The following ZNF148 variants were observed in gnomAD, a reference collection of about 807,000 sequenced individuals.
The protein encoded by ZNF148 is Beta-Enolase Repressor Factor-1.
ZNF148 carries 7 observed loss-of-function variants against 67.7 expected under a neutral mutation model. The ratio of observed to expected loss-of-function variants is 0.10; its 90% CI spans 0.06 to 0.19. The LOEUF (loss-of-function observed/expected upper bound fraction) is 0.19. Among genes scored for constraint, ZNF148 ranks in the 10% least tolerant of loss-of-function variants. The pLI, the probability that ZNF148 is intolerant of heterozygous loss-of-function variation, is 1.00. For synonymous variants in ZNF148, 333 were observed against 330.7 expected, an observed-to-expected ratio of 1.01 and a Z score of -0.08; for missense variants, 583 against 947.1, an observed-to-expected ratio of 0.62 and a Z score of 5.05.
chr3:125,270,281 AG>A (rs1937662578), intron 7 of ZNF148, among the ~76,000 whole-genome samples: 1 of 151,794 alleles, frequency 6.6e-6, no homozygotes, highest in Non-Finnish European at 1.5e-5. Context: ...CCAAAATCGG[AG>A]GATCACTTGA....
intron 7 of ZNF148, among the ~76,000 whole-genome samples, chr3:125,252,265 A>C (rs6438886): frequency 3.9e-5 from 6 of 152,066 alleles, no homozygotes; most frequent in African/African-American, 1.4e-4. Flanking sequence ...TTTTCCATTA[A>C]GATTAGTACT....
At chr3:125,291,930 A>T (rs1939037367) in intron 4 of ZNF148, among the ~76,000 whole-genome samples, 2 of 152,200 alleles carry the variant, frequency 1.3e-5, no homozygotes, top group Non-Finnish European at 2.9e-5. Context: ...TAAAAGTATA[A>T]CTAGTTTAAA....
chr3:125,309,595 T>TA (rs57056007), intron 4 of ZNF148, among the ~76,000 whole-genome samples: 5 of 150,662 alleles, frequency 3.3e-5, no homozygotes, highest in South Asian at 2.1e-4. Context: ...GAACTACAGT[T>TA]AAAAAAAAAA....
intron 4 of ZNF148, among the ~76,000 whole-genome samples, chr3:125,306,483 A>G (rs948377212): frequency 2.6e-5 from 4 of 152,196 alleles, no homozygotes; most frequent in African/African-American, 9.6e-5. Flanking sequence ...AACAAAAGAA[A>G]ATATTAATAG....
chr3:125,257,645 T>C (rs866586886), intron 7 of ZNF148, among the ~76,000 whole-genome samples: 24 of 152,064 alleles, frequency 1.6e-4, no homozygotes, highest in South Asian at 4.2e-4. Context: ...AGGTTATTTG[T>C]GGCAAATCCA....
In ZNF148 at chr3:125,228,047, C is replaced by T. The variant is rs1935708089; in HGVS notation, c.*4294G>A. On this transcript the variant is annotated 3_prime_UTR_variant, in exon 9 of 9. Coordinates refer to ENST00000360647, the MANE Select transcript of ZNF148 (RefSeq NM_021964.3). ...GCTTGAAAAATAAGTATCTAAAAAT[C>T]AATGTAGAAAGTTTAGAATTATTGA... 6.6e-6 allele frequency: 1 copy of T among 152,492 alleles called. No homozygotes were observed. The highest frequency in any genetic ancestry group is 2.4e-5 in the African/African-American group (1 of 41,388). The allele number at this position is 152,492 out of a possible 1,614,324, so 9.4% of individuals were successfully genotyped here.
At chr3:125,307,647 C>G (rs924150825) in intron 4 of ZNF148, among the ~76,000 whole-genome samples, 15 of 151,748 alleles carry the variant, frequency 9.9e-5, no homozygotes, top group African/African-American at 3.6e-4. Context: ...GAAAAACCTA[C>G]ACCTAATTCT....
chr3:125,326,023 A>T (rs1941001794), intron 2 of ZNF148, among the ~76,000 whole-genome samples: 1 of 152,236 alleles, frequency 6.6e-6, no homozygotes, highest in Non-Finnish European at 1.5e-5. Flanking sequence ...CAAAAAGCTG[A>T]AAGATACAGC....
chr3:125,347,234 T>G (rs1941979901), intron 1 of ZNF148, among the ~76,000 whole-genome samples: 1 of 152,126 alleles, frequency 6.6e-6, no homozygotes, highest in Non-Finnish European at 1.5e-5. Flanking sequence ...ATTGAAAAAT[T>G]TCATATTGTT....
chr3:125,280,424 G>A (rs972791824), intron 5 of ZNF148, among the ~76,000 whole-genome samples: 3 of 152,158 alleles, frequency 2.0e-5, no homozygotes, highest in Admixed American at 1.3e-4. Flanking sequence ...GCTCAAGCCT[G>A]TAATCCCAGC....
chr3:125,369,565 A>T (rs1314687306), intron 1 of ZNF148, among the ~76,000 whole-genome samples: 1 of 151,924 alleles, frequency 6.6e-6, no homozygotes, highest in Non-Finnish European at 1.5e-5. Flanking sequence ...AGGTGTTCTA[A>T]AAACATTCTG....
intron 7 of ZNF148, among the ~76,000 whole-genome samples, chr3:125,235,200 T>C (rs1458440935): frequency 6.6e-6 from 1 of 152,214 alleles, no homozygotes; most frequent in Admixed American, 6.5e-5. Flanking sequence ...ATACTACTAC[T>C]ATATCCAAAC....
intron 4 of ZNF148, among the ~76,000 whole-genome samples, chr3:125,305,139 G>A (rs898696318): frequency 6.6e-6 from 1 of 152,166 alleles, no homozygotes; most frequent in African/African-American, 2.4e-5. Flanking sequence ...AAGCCTGGAA[G>A]GTATCAATTG....
At chr3:125,326,926 T>A (rs1191249668) in intron 2 of ZNF148, among the ~76,000 whole-genome samples, 1 of 150,556 alleles carries the variant, frequency 6.6e-6, no homozygotes, top group East Asian at 1.9e-4. Flanking sequence ...TCCAACCATA[T>A]CCCTAATTAA....
chr3:125,298,993 A>C (rs1032773199), intron 4 of ZNF148, among the ~76,000 whole-genome samples: 6 of 152,210 alleles, frequency 3.9e-5, no homozygotes, highest in Non-Finnish European at 7.3e-5. Context: ...GTTTCTTTAT[A>C]AATGTAAAAC....
intron 7 of ZNF148, among the ~76,000 whole-genome samples, chr3:125,252,367 G>T (rs1178611728): frequency 8.5e-6 from 1 of 116,988 alleles, no homozygotes; most frequent in Non-Finnish European, 2.2e-5. Context: ...TAAAAAAAAA[G>T]AAGTTTCATT....
chr3:125,301,579 T>C lies in ZNF148; in HGVS notation c.333+11729A>G, dbSNP rs143851451. Among the ~76,000 whole-genome samples, 24 of 152,318 alleles carry C rather than the reference T, an allele frequency of 1.6e-4. No individual in the cohort carries two copies. In the East Asian group the frequency reaches 4.6e-3, roughly 29 times the overall value. ...TTGAACTAACCAAAATAAGTTAACA[T>C]AAAGTTCTTTGTACCTTCCACATGA... On this transcript the variant is annotated intron_variant, in intron 4 of 8. Transcript: ENST00000360647.
chr3:125,237,512 G>T (rs1222505511), intron 7 of ZNF148, among the ~76,000 whole-genome samples: 1 of 152,070 alleles, frequency 6.6e-6, no homozygotes, highest in Admixed American at 6.5e-5. Context: ...AGCCTGGGAG[G>T]TGAAGGTTGT....
intron 1 of ZNF148, chr3:125,357,767 T>A (rs1942407546): frequency 6.6e-6 from 1 of 152,262 alleles, no homozygotes; most frequent in Non-Finnish European, 1.5e-5. Context: ...TAAGCCCCTT[T>A]CCTTAAAGAA....
Sources: allele counts gnomAD v4.1 joint callset (sites outside exome capture counted in the v4.1 genomes callset), GRCh38; gene constraint gnomAD v4.1.1; transcripts MANE v1.5; gene names NCBI Gene and HGNC (gene_info 2026-07-23, HGNC 2026-07-21).